The following RBMS3 variants were observed in gnomAD, a reference collection of about 807,000 sequenced individuals.
The protein encoded by RBMS3 is RNA binding motif single stranded interacting protein 3.
In RBMS3, 27 loss-of-function variants were observed where a neutral mutation model predicts 66.8. The ratio of observed to expected loss-of-function variants is 0.40; its 90% confidence interval spans 0.30 to 0.56. The LOEUF (loss-of-function observed/expected upper bound fraction) is 0.56. Ranked by LOEUF, RBMS3 falls within the 20% of genes least tolerant of loss-of-function variation. The pLI is 0.40. For synonymous variants in RBMS3, 188 were observed against 183.0 expected (o/e 1.03, Z -0.22); for missense variants, 513 against 549.5 (o/e 0.93, Z 0.66).
intron 4 of RBMS3, among the ~76,000 whole-genome samples, chr3:29,659,391 C>G (rs990586993): frequency 2.0e-5 from 3 of 152,068 alleles, no homozygotes; most frequent in African/African-American, 7.2e-5. Context: ...TCCCTATTCC[C>G]CCATTCCCCA....
chr3:29,818,180 T>C (rs2057969246), intron 6 of RBMS3, among the ~76,000 whole-genome samples: 1 of 152,140 alleles, frequency 6.6e-6, no homozygotes, highest in Non-Finnish European at 1.5e-5. Flanking sequence ...ATTCTATATT[T>C]TTCACTGAAA....
At chr3:29,730,984 A>G (rs530302838) in intron 4 of RBMS3, 5 of 985,400 alleles carry the variant, frequency 5.1e-6, no homozygotes, top group Admixed American at 1.2e-4. Context: ...CAGAGATCCA[A>G]TCTGGCCACC....
At chr3:29,920,853 CA>C (rs10576471) in intron 10 of RBMS3, among the ~76,000 whole-genome samples, 36,565 of 97,906 alleles carry the variant, frequency 0.37, 4,674 homozygotes, top group East Asian at 0.51. Context: ...CACGTGGTCT[CA>C]AAAAAAAAAA....
intron 3 of RBMS3, among the ~76,000 whole-genome samples, chr3:29,515,891 G>T (rs1296164850): frequency 2.0e-5 from 3 of 152,214 alleles, no homozygotes; most frequent in Non-Finnish European, 4.4e-5. Flanking sequence ...CATGGTCGTG[G>T]GTTCTTAATA....
At position 29,868,983 on chromosome 3, in the gene RBMS3, C is replaced by G; in HGVS notation, c.744+19C>G. The G allele has an allele frequency of 5.8e-6, 9 of 1,554,880 alleles. No individual in the cohort carries two copies. The highest frequency in any genetic ancestry group is 7.8e-6 in the Non-Finnish European group (9 of 1,148,690). ...AGGAGAGGTGAGTCCTGACTGATAA[C>G]ATTTGCTCTGAAATTTGGCAGTAGA... On this transcript the variant is annotated intron_variant, in intron 7 of 14. Coordinates refer to ENST00000383767, the MANE Select transcript of RBMS3 (RefSeq NM_001003793.3).
At chr3:29,503,173 T>G (rs571145178) in intron 3 of RBMS3, among the ~76,000 whole-genome samples, 4 of 152,286 alleles carry the variant, frequency 2.6e-5, no homozygotes, top group African/African-American at 7.2e-5. Flanking sequence ...AAGACTTTTA[T>G]GTTTTGAATT....
chr3:29,978,845 G>A (rs1448041377), intron 12 of RBMS3, among the ~76,000 whole-genome samples: 2 of 152,074 alleles, frequency 1.3e-5, no homozygotes, highest in Admixed American at 1.3e-4. Flanking sequence ...TAGGTCAGAA[G>A]AACTGGGGGC....
At chr3:29,628,449 G>T (rs2049150083) in intron 4 of RBMS3, among the ~76,000 whole-genome samples, 1 of 152,026 alleles carries the variant, frequency 6.6e-6, no homozygotes. Flanking sequence ...GGGGCCTTGT[G>T]GTTTTTATAG....
At chr3:29,701,607 C>A (rs1327270179) in intron 4 of RBMS3, among the ~76,000 whole-genome samples, 3 of 151,378 alleles carry the variant, frequency 2.0e-5, no homozygotes, top group African/African-American at 7.3e-5. Context: ...TGGGGCTGCG[C>A]GCGTCGTTCA....
chr3:29,384,208 A>G (rs6796023), intron 1 of RBMS3, among the ~76,000 whole-genome samples: 16,896 of 151,896 alleles, frequency 0.11, 1,165 homozygotes, highest in Admixed American at 0.24. Flanking sequence ...CTCAACTAAT[A>G]GGGAGGCTGA....
At chr3:29,298,968 C>T (rs2033479098) in intron 1 of RBMS3, among the ~76,000 whole-genome samples, 1 of 151,686 alleles carries the variant, frequency 6.6e-6, no homozygotes. Flanking sequence ...CGATTCTTGC[C>T]CCTCAGAAGT....
chr3:29,924,314 A>T (rs2060872508), intron 10 of RBMS3, among the ~76,000 whole-genome samples: 1 of 152,320 alleles, frequency 6.6e-6, no homozygotes, highest in African/African-American at 2.4e-5. Context: ...TGATTAGCAG[A>T]AGTCACAAAT....
At position 29,386,296 on chromosome 3, in the gene RBMS3, A is replaced by G. The variant is rs373716207; in HGVS notation, c.76-48447A>G. On this transcript the variant is annotated intron_variant, in intron 1 of 14. Coordinates refer to ENST00000383767, the MANE Select transcript of RBMS3 (RefSeq NM_001003793.3). ...ATTTTTCTAGTCTATTTATTCTCCC[A>G]TTCCATAATGATGACTATTTTGTAC... Among the ~76,000 whole-genome samples, 89 of 151,852 alleles carry G rather than the reference A, an allele frequency of 5.9e-4. 1 individual carries two copies. The highest frequency in any genetic ancestry group is 2.1e-3 in the African/African-American group (87 of 41,390).
chr3:29,854,828 C>A (rs950341368), intron 6 of RBMS3, among the ~76,000 whole-genome samples: 2 of 152,088 alleles, frequency 1.3e-5, no homozygotes, highest in African/African-American at 2.4e-5. Flanking sequence ...AAAGAAAGCT[C>A]TCCTTCTTAC....
chr3:29,747,925 C>A lies in RBMS3; in HGVS notation c.557+8048C>A, dbSNP rs139995151. The stretch of plus-strand genomic sequence containing the variant: ...TTGAAGGTGATGTTTCACCAGGGAC[C>A]CTTCCCTATCTGCCTAGGTAATTTG... On this transcript the variant is annotated intron_variant, in intron 5 of 14. Coordinates refer to ENST00000383767, the MANE Select transcript of RBMS3 (RefSeq NM_001003793.3). 4.4e-3 allele frequency among the ~76,000 whole-genome samples: 623 copies of A among 140,930 alleles called. 15 individuals carry two copies. Among genetic ancestry groups the A allele is most frequent in the Admixed American group, 0.038 (530 of 14,092 alleles). The allele number at this position is 140,930 out of a possible 152,430, so 92.5% of individuals were successfully genotyped here. A position where few individuals can be genotyped will look rare whatever the true frequency, so the allele number is the denominator to read the frequency against.
chr3:29,686,405 C>T (rs140626214), intron 4 of RBMS3, among the ~76,000 whole-genome samples: 120 of 152,088 alleles, frequency 7.9e-4, no homozygotes, highest in Admixed American at 3.4e-3. Context: ...AAAAATAGGC[C>T]GGGCATGGTG....
chr3:29,399,365 A>C (rs747684572), intron 1 of RBMS3, among the ~76,000 whole-genome samples: 2 of 152,214 alleles, frequency 1.3e-5, no homozygotes, highest in Non-Finnish European at 2.9e-5. Context: ...TTGTTGGCTT[A>C]GGTACAATGT....
intron 3 of RBMS3, among the ~76,000 whole-genome samples, chr3:29,524,354 C>G (rs1007751855): frequency 6.7e-6 from 1 of 149,322 alleles, no homozygotes; most frequent in South Asian, 2.1e-4. Flanking sequence ...TTTTTATGTA[C>G]ACACTGTACA....
intron 1 of RBMS3, among the ~76,000 whole-genome samples, chr3:29,421,487 T>C (rs1575769572): frequency 6.6e-6 from 1 of 152,324 alleles, no homozygotes; most frequent in South Asian, 2.1e-4. Context: ...AAAACTCCTT[T>C]TAATTAAGTG....
Sources: gnomAD v4.1 joint callset for allele counts (sites outside exome capture counted in the v4.1 genomes callset) on GRCh38, gnomAD v4.1.1 for gene constraint, MANE v1.5 for transcripts, NCBI Gene and HGNC (gene_info 2026-07-23, HGNC 2026-07-21) for gene names.